The following PCDH15 variants were observed in gnomAD, a reference collection of about 807,000 sequenced individuals.
The protein encoded by PCDH15 is protocadherin related 15.
A neutral mutation model predicts 178.5 loss-of-function variants in PCDH15; 129 were observed. The observed-to-expected ratio is 0.72, with a 90% CI of 0.63 to 0.84. PCDH15 has a LOEUF of 0.84. Ranked by LOEUF, PCDH15 falls within the 40% of genes least tolerant of loss-of-function variation. PCDH15 has a pLI of 0.00. For synonymous variants in PCDH15, 800 were observed against 732.0 expected (o/e 1.09, Z -1.50); for missense variants, 2,230 against 2,099.9 (o/e 1.06, Z -1.21).
intron 2 of PCDH15, among the ~76,000 whole-genome samples, chr10:55,622,931 G>A (rs1837437321): frequency 6.6e-6 from 1 of 152,074 alleles, no homozygotes; most frequent in South Asian, 2.1e-4. Context: ...TCATAAAACT[G>A]AGCAAATGGC....
At chr10:55,002,439 C>T (rs188903125) in intron 2 of PCDH15, among the ~76,000 whole-genome samples, 2 of 152,284 alleles carry the variant, frequency 1.3e-5, no homozygotes, top group South Asian at 2.1e-4. Flanking sequence ...TAATGCTTTG[C>T]TCACAGTACT....
chr10:54,763,144 G>T lies in PCDH15; in HGVS notation c.-29+37781C>A, dbSNP rs543350760. On this transcript the variant is annotated intron_variant, in intron 1 of 37. Coordinates refer to ENST00000644397, the MANE Select transcript of PCDH15 (RefSeq NM_001384140.1). ...GAGGATGAACCCACCCTGCTCTTTT[G>T]TGAAAGCAGGAGAGTGCCAGGTGGT... 1.3e-3 allele frequency among the ~76,000 whole-genome samples: 204 copies of T among 152,256 alleles called. 3 individuals carry two copies. Among genetic ancestry groups the T allele is most frequent in the African/African-American group, 4.8e-3 (199 of 41,528 alleles).
intron 2 of PCDH15, among the ~76,000 whole-genome samples, chr10:55,014,331 C>T (rs1840118833): frequency 6.6e-6 from 1 of 152,062 alleles, no homozygotes; most frequent in African/African-American, 2.4e-5. Flanking sequence ...CTTATTTCTT[C>T]ACCTTTGCTA....
chr10:54,099,636 T>G (rs929844713), intron 15 of PCDH15, among the ~76,000 whole-genome samples: 1 of 151,256 alleles, frequency 6.6e-6, no homozygotes, highest in Non-Finnish European at 1.5e-5. Context: ...AAATATGTAA[T>G]CCAATTTAGG....
intron 29 of PCDH15, among the ~76,000 whole-genome samples, chr10:53,836,822 A>G (rs1231710554): frequency 6.6e-6 from 1 of 152,232 alleles, no homozygotes; most frequent in Non-Finnish European, 1.5e-5. Flanking sequence ...CAGATATTGG[A>G]ACTGTCAGAC....
At chr10:55,521,663 C>T (rs961877277) in intron 2 of PCDH15, among the ~76,000 whole-genome samples, 6 of 151,830 alleles carry the variant, frequency 4.0e-5, no homozygotes, top group African/African-American at 7.2e-5. Flanking sequence ...TGAACATGGG[C>T]GTGCAGATAT....
chr10:55,427,203 C>A (rs1055636645), intron 2 of PCDH15, among the ~76,000 whole-genome samples: 2 of 152,126 alleles, frequency 1.3e-5, no homozygotes, highest in Non-Finnish European at 2.9e-5. Context: ...TGTGTAAAAT[C>A]TGGACCATGC....
At chr10:55,210,382 T>C (rs1193628926) in intron 1 of PCDH15, among the ~76,000 whole-genome samples, 6 of 151,850 alleles carry the variant, frequency 4.0e-5, no homozygotes. Flanking sequence ...TGTTAATTTT[T>C]TTGAAGAAAA....
chr10:54,798,666 A>G lies in PCDH15; in HGVS notation c.-29+2259T>C, dbSNP rs539774783. ...AAAATTAAACTTTTAGATAATAAAT[A>G]TGATCATTTTATGAAGTAGTGTGGT... On this transcript the variant is annotated intron_variant, in intron 1 of 37. Transcript: ENST00000644397. 3.6e-3 allele frequency among the ~76,000 whole-genome samples: 555 copies of G among 152,218 alleles called. 2 individuals are homozygous for G. The highest frequency in any genetic ancestry group is 0.013 in the African/African-American group (532 of 41,552).
chr10:55,535,118 T>C (rs141235486), intron 2 of PCDH15, among the ~76,000 whole-genome samples: 1,592 of 152,154 alleles, frequency 0.01, 29 homozygotes, highest in African/African-American at 0.035. Flanking sequence ...TCACTACCTG[T>C]ATGTAATATA....
chr10:54,992,562 C>T (rs1278418064), intron 2 of PCDH15, among the ~76,000 whole-genome samples: 1 of 151,932 alleles, frequency 6.6e-6, no homozygotes, highest in Non-Finnish European at 1.5e-5. Flanking sequence ...ACCAGCCTGG[C>T]TAACACAGTG....
At chr10:55,204,845 A>C (rs1840352261) in intron 1 of PCDH15, among the ~76,000 whole-genome samples, 1 of 152,134 alleles carries the variant, frequency 6.6e-6, no homozygotes, top group African/African-American at 2.4e-5. Flanking sequence ...TATTATATCC[A>C]CATTTTACAT....
intron 2 of PCDH15, among the ~76,000 whole-genome samples, chr10:54,658,099 A>T (rs1172623420): frequency 6.6e-6 from 1 of 152,168 alleles, no homozygotes; most frequent in African/African-American, 2.4e-5. Context: ...AGAAAAAATA[A>T]TTTTTAAAAA....
chr10:55,551,336 A>G (rs1429130682), intron 2 of PCDH15, among the ~76,000 whole-genome samples: 1 of 151,998 alleles, frequency 6.6e-6, no homozygotes, highest in African/African-American at 2.4e-5. Flanking sequence ...TGTTGACAAT[A>G]GCAATTTTAT....
At chr10:53,888,359 C>CGTAT (rs1564691650) in intron 26 of PCDH15, among the ~76,000 whole-genome samples, 183 of 107,142 alleles carry the variant, frequency 1.7e-3, no homozygotes, top group South Asian at 4.5e-3. Flanking sequence ...CGTATATATA[C>CGTAT]ATATATATAT....
At chr10:55,560,905 CT>C (rs1440331966) in intron 2 of PCDH15, among the ~76,000 whole-genome samples, 2 of 151,674 alleles carry the variant, frequency 1.3e-5, no homozygotes, top group Non-Finnish European at 3.0e-5. Context: ...TAAAGAGTAA[CT>C]TTTGTTGCAA....
intron 3 of PCDH15, among the ~76,000 whole-genome samples, chr10:54,874,795 AT>A (rs534676360): frequency 2.0e-5 from 3 of 152,164 alleles, no homozygotes; most frequent in Non-Finnish European, 4.4e-5. Context: ...TAAACAAATC[AT>A]TTACAACCCT....
chr10:54,004,642 C>T (rs1441440132), intron 20 of PCDH15, among the ~76,000 whole-genome samples: 1 of 151,784 alleles, frequency 6.6e-6, no homozygotes, highest in East Asian at 1.9e-4. Context: ...AACATGGATT[C>T]AAGAAAATGA....
intron 2 of PCDH15, among the ~76,000 whole-genome samples, chr10:55,131,247 T>C (rs1299989582): frequency 6.6e-6 from 1 of 152,160 alleles, no homozygotes; most frequent in Non-Finnish European, 1.5e-5. Context: ...ACTGTCTCCA[T>C]AGTCTCCATA....
Sources: gnomAD v4.1 joint callset for allele counts (sites outside exome capture counted in the v4.1 genomes callset) on GRCh38, gnomAD v4.1.1 for gene constraint, MANE v1.5 for transcripts, NCBI Gene and HGNC (gene_info 2026-07-23, HGNC 2026-07-21) for gene names.